Variants in VANGL1 observed in about 807,000 individuals in gnomAD.
VANGL1 encodes VANGL planar cell polarity protein 1, also known as vang-like protein 1.
A neutral mutation model predicts 48.4 loss-of-function variants in VANGL1; 18 were observed. The observed-to-expected ratio is 0.37, with a 90% CI of 0.26 to 0.55. The LOEUF is 0.55. VANGL1 is among the 20% of genes least tolerant of loss of function. The probability of loss-of-function intolerance (pLI) is 0.81; values close to 1 mark genes in which losing one functional copy is unlikely to be tolerated. For synonymous variants in VANGL1, 257 were observed against 261.8 expected, an observed-to-expected ratio of 0.98 and a Z score of 0.18; for missense variants, 667 against 675.8, an observed-to-expected ratio of 0.99 and a Z score of 0.14.
intron 2 of VANGL1, among the ~76,000 whole-genome samples, chr1:115,658,349 G>A (rs570558947): frequency 3.3e-5 from 5 of 152,336 alleles, no homozygotes; most frequent in African/African-American, 9.6e-5. Flanking sequence ...TACACACTCT[G>A]CATCACTAAG....
At chr1:115,645,476 A>G (rs1651879722) in intron 1 of VANGL1, among the ~76,000 whole-genome samples, 1 of 152,196 alleles carries the variant, frequency 6.6e-6, no homozygotes, top group Non-Finnish European at 1.5e-5. Flanking sequence ...CTATAATATA[A>G]GTAAAATAAA....
At position 115,693,693 on chromosome 1, in the gene VANGL1, C is replaced by A. The variant is rs866622913; in HGVS notation, c.*2314C>A. ...AATAAAATGCAGGATCTTTGTAAAGCCTTTGCACTTTCAACCTCTTTATAG... is the reference window on the plus strand; with the variant it reads ...AATAAAATGCAGGATCTTTGTAAAGACTTTGCACTTTCAACCTCTTTATAG... On this transcript the variant is annotated 3_prime_UTR_variant, in exon 8 of 8. Transcript: ENST00000355485. 2.0e-4 allele frequency: 30 copies of A among 152,110 alleles called. 2 individuals carry two copies. Among genetic ancestry groups the A allele is most frequent in the Admixed American group, 2.0e-3 (30 of 15,278 alleles). The allele number at this position is 152,110 out of a possible 1,614,324, so 9.4% of individuals were successfully genotyped here.
intron 1 of VANGL1, among the ~76,000 whole-genome samples, chr1:115,645,405 A>G (rs770437468): frequency 1.3e-5 from 2 of 152,214 alleles, no homozygotes; most frequent in Non-Finnish European, 2.9e-5. Flanking sequence ...AGTGCCTACC[A>G]CGTGCTAGGC....
intron 4 of VANGL1, among the ~76,000 whole-genome samples, chr1:115,679,179 G>A (rs530209808): frequency 7.2e-4 from 109 of 152,346 alleles, no homozygotes; most frequent in African/African-American, 2.2e-3. Context: ...TTCAGCTCCA[G>A]CATTGGCTTC....
chr1:115,681,389 G>C (rs184681266), intron 4 of VANGL1, among the ~76,000 whole-genome samples: 1 of 152,198 alleles, frequency 6.6e-6, no homozygotes, highest in Non-Finnish European at 1.5e-5. Context: ...TAGAATATCG[G>C]AACATAGATA....
rs751619287 is a variant in VANGL1 at position 115,664,095 on chromosome 1, C to T, written c.639C>T (p.Asp213=). 17 of 1,614,038 alleles carry T rather than the reference C, an allele frequency of 1.1e-5. No homozygotes were observed. In the Admixed American group the frequency reaches 2.5e-4, roughly 24 times the overall value. The change falls in exon 4 of 8, where the codon GAC becomes GAT. Residue 213 remains aspartate (D), a synonymous_variant. Transcript: ENST00000355485. The part of the protein sequence containing the change: ...FYGVRILDSR[D]RNYQGIVQYA... ...GGGTCCGCATTTTGGACTCTCGGGA[C>T]CGGAATTACCAGGGCATTGTGCAAT... is the stretch of plus-strand genomic sequence containing the variant.
chr1:115,673,287 C>T (rs758972453), intron 4 of VANGL1, among the ~76,000 whole-genome samples: 1 of 152,202 alleles, frequency 6.6e-6, no homozygotes, highest in Non-Finnish European at 1.5e-5. Context: ...TGCCGCTTAC[C>T]TGCCTCCACC....
rs146370842 is a variant in VANGL1, at chr1:115,680,026, T to TGA, written c.813-2319_813-2318dup. Among the ~76,000 whole-genome samples the TGA allele has an allele frequency of 2.8e-3, 271 of 97,478 alleles. 3 individuals carry two copies. Among genetic ancestry groups the TGA allele is most frequent in the Middle Eastern group, 6.1e-3 (1 of 164 alleles). 63.9% of individuals were successfully genotyped at this position (97,478 alleles called of 152,430 possible). ...GTGTGTGTGTGTGTGTGTGTGTATG[T>TGA]GAGAGAGAGAGAGAGAGAGATCAGG... On this transcript the variant is annotated intron_variant, in intron 4 of 7. Transcript: ENST00000355485.
chr1:115,697,209 G>T lies in VANGL1; in HGVS notation c.*5830G>T, dbSNP rs1387668611. On this transcript the variant is annotated 3_prime_UTR_variant, in exon 8 of 8. Coordinates refer to ENST00000355485, the MANE Select transcript of VANGL1 (RefSeq NM_138959.3). ...TGACAAGTTTAGTTCAACTGAAGTT[G>T]TAGGGAATTTAGACAGTTGCACATC... 3 of 152,308 alleles carry T rather than the reference G, an allele frequency of 2.0e-5. No homozygotes were observed. The highest frequency in any genetic ancestry group is 2.9e-5 in the Non-Finnish European group (2 of 68,030). 9.4% of individuals were successfully genotyped at this position (152,308 alleles called of 1,614,324 possible).
chr1:115,681,380 A>C (rs74117014), intron 4 of VANGL1, among the ~76,000 whole-genome samples: 2,724 of 152,134 alleles, frequency 0.018, 79 homozygotes, highest in African/African-American at 0.062. Flanking sequence ...TTGGAGACCT[A>C]GAATATCGGA....
intron 1 of VANGL1, among the ~76,000 whole-genome samples, chr1:115,645,203 A>T (rs1651870428): frequency 1.3e-5 from 2 of 150,864 alleles, no homozygotes; most frequent in African/African-American, 5.0e-5. Flanking sequence ...GAGGCCTGTA[A>T]GAAACAGAAT....
intron 7 of VANGL1, among the ~76,000 whole-genome samples, chr1:115,690,522 T>C (rs953693666): frequency 1.3e-5 from 2 of 152,268 alleles, no homozygotes; most frequent in African/African-American, 4.8e-5. Context: ...ATGTCGGGCA[T>C]TGCTGTGAGT....
At chr1:115,670,826 G>A (rs1008894676) in intron 4 of VANGL1, among the ~76,000 whole-genome samples, 1 of 152,212 alleles carries the variant, frequency 6.6e-6, no homozygotes, top group African/African-American at 2.4e-5. Context: ...TATTTTGCCA[G>A]TCCTTAGCTC....
At chr1:115,650,032 G>A (rs1349260846) in intron 1 of VANGL1, among the ~76,000 whole-genome samples, 1 of 152,198 alleles carries the variant, frequency 6.6e-6, no homozygotes. Flanking sequence ...CTGACTCCCA[G>A]GAAGAATGAA....
rs1346129369 is a variant in VANGL1, at chr1:115,688,859, G to A, written c.1315-2260G>A. On this transcript the variant is annotated intron_variant, in intron 7 of 7. Transcript: ENST00000355485. Reference sequence around the variant, plus strand: ...GGATGGAGTGCAGTGGCACGATCTCGGCTCACTGCAAACTCCACCTCCCGG... The same window carrying A: ...GGATGGAGTGCAGTGGCACGATCTCAGCTCACTGCAAACTCCACCTCCCGG... Among the ~76,000 whole-genome samples, 2 of 131,262 alleles carry A rather than the reference G, an allele frequency of 1.5e-5. 1 individual carries two copies. The highest frequency in any genetic ancestry group is 3.3e-5 in the Non-Finnish European group (2 of 61,278). The allele number at this position is 131,262 out of a possible 152,430, so 86.1% of individuals were successfully genotyped here.
chr1:115,661,274 C>T (rs1216444367), intron 3 of VANGL1, among the ~76,000 whole-genome samples: 2 of 152,122 alleles, frequency 1.3e-5, no homozygotes, highest in Admixed American at 1.3e-4. Context: ...CTTTGTGTAT[C>T]TACATGTTTT....
At chr1:115,668,865 G>A (rs1196891096) in intron 4 of VANGL1, among the ~76,000 whole-genome samples, 1 of 152,164 alleles carries the variant, frequency 6.6e-6, no homozygotes, top group Admixed American at 6.5e-5. Context: ...GGCCTTTTAA[G>A]GTCTGGGCCT....
chr1:115,673,931 C>T (rs985961661), intron 4 of VANGL1, among the ~76,000 whole-genome samples: 3 of 152,102 alleles, frequency 2.0e-5, no homozygotes, highest in Non-Finnish European at 4.4e-5. Context: ...ACCAGAATGA[C>T]TCTACCTTAA....
chr1:115,661,743 G>A (rs1235532148), intron 3 of VANGL1, among the ~76,000 whole-genome samples: 3 of 151,802 alleles, frequency 2.0e-5, no homozygotes, highest in Admixed American at 6.6e-5. Context: ...TCAGCCTCCC[G>A]AATAGCCGGG....
Sources: allele counts gnomAD v4.1 joint callset (sites outside exome capture counted in the v4.1 genomes callset), GRCh38; gene constraint gnomAD v4.1.1; transcripts MANE v1.5; gene names NCBI Gene and HGNC (gene_info 2026-07-23, HGNC 2026-07-21).